Variants in GUCY1A2 observed in about 807,000 individuals in gnomAD.
The protein encoded by GUCY1A2 is guanylate cyclase 1 soluble subunit alpha 2.
Under a neutral mutation model 63.5 loss-of-function variants are expected in GUCY1A2, and 27 were observed. The observed-to-expected ratio is 0.43, with a 90% confidence interval of 0.31 to 0.59. GUCY1A2 has a LOEUF of 0.59. Ranked by LOEUF, GUCY1A2 falls within the 20% of genes least tolerant of loss-of-function variation. GUCY1A2 has a pLI of 0.11. For missense variants in GUCY1A2, 768 were observed against 913.3 expected, an observed-to-expected ratio of 0.84 and a Z score of 2.05; for synonymous variants, 364 against 343.5, an observed-to-expected ratio of 1.06 and a Z score of -0.66.
rs773422498 is a variant in GUCY1A2 at position 106,687,736 on chromosome 11, C to T, written c.2012G>A (p.Ser671Asn). The T allele has an allele frequency of 6.2e-7, 1 of 1,610,692 alleles. No homozygotes were observed. Among genetic ancestry groups the T allele is most frequent in the East Asian group, 2.2e-5 (1 of 44,868 alleles). The change falls in exon 8 of 8, where the codon AGT (serine) becomes AAT (asparagine). Residue 671 changes from serine to asparagine, a missense_variant. This residue lies in a region of GUCY1A2 where 150 missense variants were observed against 188.3 expected (regional missense o/e 0.80). Transcript: ENST00000526355. ...TTYQLLKREE[S>N]FTFIPRSREE... ...ACGAGACCGCGGAATGAATGTGAAACTTTCTTCTCGTTTTAATAATCTAAG... is the reference window on the plus strand; with the variant it reads ...ACGAGACCGCGGAATGAATGTGAAATTTTCTTCTCGTTTTAATAATCTAAG...
At position 106,713,851 on chromosome 11, in the gene GUCY1A2, A is replaced by G. The variant is rs139536628; in HGVS notation, c.1837-5185T>C. Among the ~76,000 whole-genome samples, 16 of 152,024 alleles carry G rather than the reference A, an allele frequency of 1.1e-4. No individual in the cohort carries two copies. The East Asian group carries it at 1.9e-3, about 18-fold the overall frequency. The stretch of plus-strand genomic sequence containing the variant: ...GGGTTTGTTTACTTTCAGAAGGCCA[A>G]TTTATATTGTTATCTTGTGCAATGC... On this transcript the variant is annotated intron_variant, in intron 6 of 7. Coordinates refer to ENST00000526355, the MANE Select transcript of GUCY1A2 (RefSeq NM_000855.3).
chr11:106,988,325 T>C (rs1411176987), intron 1 of GUCY1A2, among the ~76,000 whole-genome samples: 1 of 152,132 alleles, frequency 6.6e-6, no homozygotes, highest in African/African-American at 2.4e-5. Flanking sequence ...AACTTTCCCC[T>C]TGGCAACAAA....
At chr11:107,003,219 A>G (rs1036079262) in intron 1 of GUCY1A2, among the ~76,000 whole-genome samples, 1 of 152,146 alleles carries the variant, frequency 6.6e-6, no homozygotes, top group Non-Finnish European at 1.5e-5. Flanking sequence ...ACTTTGTTAT[A>G]TAGGTCTTTA....
intron 5 of GUCY1A2, among the ~76,000 whole-genome samples, chr11:106,808,275 T>C (rs911453628): frequency 2.2e-4 from 33 of 152,076 alleles, no homozygotes; most frequent in Admixed American, 5.2e-4. Context: ...TGTGTGTATA[T>C]ATATATATTT....
intron 4 of GUCY1A2, among the ~76,000 whole-genome samples, chr11:106,849,543 C>T (rs767203106): frequency 1.2e-4 from 18 of 151,272 alleles, no homozygotes; most frequent in Non-Finnish European, 2.1e-4. Flanking sequence ...GAGTGTATTT[C>T]GAGGAATAAT....
At chr11:106,786,304 G>C (rs556690886) in intron 5 of GUCY1A2, among the ~76,000 whole-genome samples, 7 of 152,162 alleles carry the variant, frequency 4.6e-5, no homozygotes, top group African/African-American at 1.7e-4. Flanking sequence ...CACTCATTTT[G>C]GTTGACATTT....
At chr11:106,848,789 A>T (rs143888685) in intron 4 of GUCY1A2, among the ~76,000 whole-genome samples, 54 of 151,794 alleles carry the variant, frequency 3.6e-4, no homozygotes, top group African/African-American at 1.1e-3. Flanking sequence ...AAAGATGCTT[A>T]TTTGAATGTT....
At chr11:106,969,998 T>C (rs1861173575) in intron 3 of GUCY1A2, among the ~76,000 whole-genome samples, 1 of 152,188 alleles carries the variant, frequency 6.6e-6, no homozygotes, top group Non-Finnish European at 1.5e-5. Context: ...AATACTATCT[T>C]TGAGAAAACA....
intron 4 of GUCY1A2, among the ~76,000 whole-genome samples, chr11:106,922,670 T>C (rs1860463079): frequency 5.5e-4 from 1 of 1,828 alleles, no homozygotes; most frequent in African/African-American, 1.1e-3. Flanking sequence ...TACATATATA[T>C]ATATATATAT....
At position 106,682,981 on chromosome 11, in the gene GUCY1A2, C is replaced by T. The variant is rs973063545; in HGVS notation, c.*4568G>A. 3.7e-5 allele frequency: 8 copies of T among 215,640 alleles called. No homozygotes were observed. The South Asian group carries it at 9.3e-4, about 25-fold the overall frequency. 13.4% of individuals were successfully genotyped at this position (215,640 alleles called of 1,614,324 possible). A position where few individuals can be genotyped will look rare whatever the true frequency, so the allele number is the denominator to read the frequency against. ...AGTGTCTGCTCTTCATTCACCACTA[C>T]GAGGATCTTGAAATTGAGTCCATAG... On this transcript the variant is annotated 3_prime_UTR_variant, in exon 8 of 8. Transcript: ENST00000526355.
Position 106,679,436 on chromosome 11 carries a change from T to G in GUCY1A2, c.*8113A>C, listed in dbSNP as rs1373284078. On this transcript the variant is annotated 3_prime_UTR_variant, in exon 8 of 8. Coordinates refer to ENST00000526355, the MANE Select transcript of GUCY1A2 (RefSeq NM_000855.3). The stretch of plus-strand genomic sequence containing the variant: ...GCAGCCAAACCCAATTTGAGAAGAA[T>G]GTGAAGAAGAATATGGCGTAGAGTA... 1 of 195,822 alleles carries G rather than the reference T, an allele frequency of 5.1e-6. No homozygotes were observed. The highest frequency in any genetic ancestry group is 1.1e-5 in the Non-Finnish European group (1 of 94,418). The allele number at this position is 195,822 out of a possible 1,614,324, so 12.1% of individuals were successfully genotyped here.
intron 5 of GUCY1A2, among the ~76,000 whole-genome samples, chr11:106,791,295 T>A (rs574840092): frequency 7.0e-4 from 107 of 152,288 alleles, no homozygotes; most frequent in African/African-American, 2.3e-3. Flanking sequence ...ATCACTGCAG[T>A]CTCCTTCTCT....
At chr11:106,728,507 A>C (rs1863446007) in intron 6 of GUCY1A2, among the ~76,000 whole-genome samples, 1 of 152,188 alleles carries the variant, frequency 6.6e-6, no homozygotes, top group Admixed American at 6.5e-5. Context: ...TTTTCCCAAA[A>C]AATGTTTATC....
At chr11:106,838,231 C>T (rs1160944161) in intron 4 of GUCY1A2, among the ~76,000 whole-genome samples, 1 of 151,948 alleles carries the variant, frequency 6.6e-6, no homozygotes, top group Non-Finnish European at 1.5e-5. Flanking sequence ...TGTAGTATGT[C>T]TCCGTGCCTT....
At chr11:106,904,153 A>G (rs1860172550) in intron 4 of GUCY1A2, among the ~76,000 whole-genome samples, 1 of 152,194 alleles carries the variant, frequency 6.6e-6, no homozygotes, top group Non-Finnish European at 1.5e-5. Context: ...TTATAAAACA[A>G]TATATAGATG....
intron 4 of GUCY1A2, among the ~76,000 whole-genome samples, chr11:106,905,134 A>G (rs1462103547): frequency 6.6e-6 from 1 of 152,112 alleles, no homozygotes; most frequent in Non-Finnish European, 1.5e-5. Context: ...GTCGGCAAAC[A>G]TGGAAAGATA....
At chr11:106,868,380 C>T (rs1024777231) in intron 4 of GUCY1A2, among the ~76,000 whole-genome samples, 2 of 152,106 alleles carry the variant, frequency 1.3e-5, no homozygotes, top group African/African-American at 4.8e-5. Context: ...CCCAAATCTC[C>T]TTAAGCTGAT....
At chr11:106,999,567 GTTGGT>G (rs1178573168) in intron 1 of GUCY1A2, among the ~76,000 whole-genome samples, 1 of 152,152 alleles carries the variant, frequency 6.6e-6, no homozygotes, top group African/African-American at 2.4e-5. Context: ...GCCAAAATGT[GTTGGT>G]TTGATCTTAT....
intron 4 of GUCY1A2, among the ~76,000 whole-genome samples, chr11:106,916,280 T>C (rs1860368910): frequency 6.9e-6 from 1 of 145,472 alleles, no homozygotes; most frequent in Non-Finnish European, 1.5e-5. Flanking sequence ...ATCAAAGATT[T>C]ATTTAGCAAA....
Sources: gnomAD v4.1 joint callset for allele counts (sites outside exome capture counted in the v4.1 genomes callset) on GRCh38, gnomAD v4.1.1 for gene constraint, gnomAD v4.1.1 regional missense constraint, MANE v1.5 for transcripts, NCBI Gene and HGNC (gene_info 2026-07-23, HGNC 2026-07-21) for gene names.